Variants in NEDD4 observed in about 807,000 individuals in gnomAD.
The protein encoded by NEDD4 is NEDD4 E3 ubiquitin protein ligase, also known as E3 ubiquitin-protein ligase NEDD4.
In NEDD4, 99 loss-of-function variants were observed where a neutral mutation model predicts 144.9. That is an observed-to-expected ratio of 0.68 (90% CI 0.58 to 0.81). The LOEUF is 0.81. Among genes scored for constraint, NEDD4 ranks in the 30% least tolerant of loss-of-function variants. The pLI is 0.00. For missense variants in NEDD4, 985 were observed against 1,065.9 expected (o/e 0.92, Z 1.06); for synonymous variants, 318 against 350.6 (o/e 0.91, Z 1.04).
chr15:55,868,103 T>C (rs1254948090), intron 8 of NEDD4, among the ~76,000 whole-genome samples: 2 of 151,952 alleles, frequency 1.3e-5, no homozygotes, highest in Non-Finnish European at 2.9e-5. Context: ...TAGATTCTCC[T>C]GCAAAGCAAA....
At chr15:55,993,140 C>G (rs569369496) in intron 1 of NEDD4, among the ~76,000 whole-genome samples, 11 of 152,366 alleles carry the variant, frequency 7.2e-5, no homozygotes, top group Middle Eastern at 3.4e-3. Context: ...GACCGTCTCC[C>G]AACGCCTGGG....
chr15:55,937,411 C>T (rs909693114), intron 4 of NEDD4, among the ~76,000 whole-genome samples: 43 of 152,194 alleles, frequency 2.8e-4, no homozygotes, highest in African/African-American at 9.6e-4. Context: ...GATATTTCAC[C>T]GTATGTTTTC....
chr15:55,839,999 A>AAATAT (rs1566901067), intron 21 of NEDD4, among the ~76,000 whole-genome samples: 6 of 26,136 alleles, frequency 2.3e-4, no homozygotes, highest in African/African-American at 3.0e-4. Flanking sequence ...AAAAAAAAAA[A>AAATAT]ATATATATAT....
intron 9 of NEDD4, 21 bp from the exon 10 acceptor site, chr15:55,860,799 G>A (rs757434225): frequency 6.3e-7 from 1 of 1,599,778 alleles, no homozygotes; most frequent in Non-Finnish European, 8.6e-7. Flanking sequence ...AGTATAAAAA[G>A]CCATCATCCA....
chr15:55,965,674 G>GTATGTATA (rs1566971533), intron 2 of NEDD4, among the ~76,000 whole-genome samples: 3 of 151,864 alleles, frequency 2.0e-5, no homozygotes, highest in Non-Finnish European at 2.9e-5. Flanking sequence ...ATGTATGTAT[G>GTATGTATA]TATGTATGTA....
At chr15:55,967,023 A>C (rs1031869764) in intron 1 of NEDD4, among the ~76,000 whole-genome samples, 10 of 152,110 alleles carry the variant, frequency 6.6e-5, no homozygotes, top group African/African-American at 2.4e-4. Context: ...AGTAGCTGAG[A>C]TTACAGGCAT....
chr15:55,969,400 C>T (rs1292792735), intron 1 of NEDD4, among the ~76,000 whole-genome samples: 1 of 152,174 alleles, frequency 6.6e-6, no homozygotes, highest in Non-Finnish European at 1.5e-5. Context: ...TGGTACTGTG[C>T]TGGTCTTGGA....
At chr15:55,979,649 G>C (rs555366566) in intron 1 of NEDD4, among the ~76,000 whole-genome samples, 1 of 151,946 alleles carries the variant, frequency 6.6e-6, no homozygotes, top group Non-Finnish European at 1.5e-5. Context: ...CACCGCGCCC[G>C]GCGAAAGTTT....
chr15:55,836,944 C>T (rs1414856039), intron 24 of NEDD4, among the ~76,000 whole-genome samples: 1 of 152,204 alleles, frequency 6.6e-6, no homozygotes, highest in Non-Finnish European at 1.5e-5. Context: ...TAGGCGTCAG[C>T]CACCATGCCC....
chr15:55,916,448 G>A (rs371693265), intron 5 of NEDD4: 22 of 1,613,772 alleles, frequency 1.4e-5, no homozygotes, highest in Admixed American at 1.7e-5. Context: ...ATTCATTATC[G>A]ACCACAGCAC....
intron 4 of NEDD4, among the ~76,000 whole-genome samples, chr15:55,939,120 C>CAACAAACA (rs112306166): frequency 0.77 from 116,534 of 150,914 alleles, 45,224 homozygotes; most frequent in African/African-American, 0.84. Flanking sequence ...ACAACAACAA[C>CAACAAACA]AACAAACAAA....
At chr15:55,926,117 T>C (rs1473611436) in intron 4 of NEDD4, among the ~76,000 whole-genome samples, 3 of 152,160 alleles carry the variant, frequency 2.0e-5, no homozygotes, top group South Asian at 2.1e-4. Flanking sequence ...TACATACGTA[T>C]ATGTATCAAA....
intron 4 of NEDD4, among the ~76,000 whole-genome samples, chr15:55,930,215 A>T (rs1486564725): frequency 6.6e-6 from 1 of 152,232 alleles, no homozygotes; most frequent in Non-Finnish European, 1.5e-5. Flanking sequence ...AGATAGGTAT[A>T]TAAATACCTA....
At chr15:55,978,635 CA>C (rs1354943912) in intron 1 of NEDD4, among the ~76,000 whole-genome samples, 3 of 152,092 alleles carry the variant, frequency 2.0e-5, no homozygotes, top group Admixed American at 2.0e-4. Flanking sequence ...AAAACAGGGA[CA>C]AAATTATACC....
chr15:55,837,333 G>A (rs1386342405), intron 24 of NEDD4, among the ~76,000 whole-genome samples: 2 of 151,672 alleles, frequency 1.3e-5, no homozygotes, highest in African/African-American at 4.9e-5. Context: ...AGGAGGCTGA[G>A]GCAGGAGAAT....
Position 55,863,402 on chromosome 15 carries a change from A to G in NEDD4, c.508-323T>C, listed in dbSNP as rs568450280. Among the ~76,000 whole-genome samples, 13 of 152,302 alleles carry G rather than the reference A, an allele frequency of 8.5e-5. No homozygotes were observed. In the East Asian group the frequency reaches 2.1e-3, roughly 25 times the overall value. On this transcript the variant is annotated intron_variant, in intron 8 of 28. Transcript: ENST00000435532. ...AACCAGATCCCATCTCAAAACAACA[A>G]TAAAACAGAACTTTAAAACAAATCT...
chr15:55,845,597 A>T (rs2033706664), intron 18 of NEDD4, among the ~76,000 whole-genome samples: 1 of 152,216 alleles, frequency 6.6e-6, no homozygotes, highest in South Asian at 2.1e-4. Context: ...GACATTAATA[A>T]TTAGATACTA....
chr15:55,916,944 T>A, intron 5 of NEDD4: 1 of 1,488,068 alleles, frequency 6.7e-7, no homozygotes. Context: ...TTGTGGTGCC[T>A]AAAAGAGCTA....
At chr15:55,837,961 A>C in intron 23 of NEDD4, 112 bp from the exon 24 acceptor site, 1 of 934,130 alleles carries the variant, frequency 1.1e-6, no homozygotes. Flanking sequence ...GTAAAAGCTG[A>C]ATATGAGTGC....
Sources: gnomAD v4.1 joint callset for allele counts (sites outside exome capture counted in the v4.1 genomes callset) on GRCh38, gnomAD v4.1.1 for gene constraint, MANE v1.5 for transcripts, NCBI Gene and HGNC (gene_info 2026-07-23, HGNC 2026-07-21) for gene names.